Variants in FGF14 observed in about 807,000 individuals in gnomAD.
FGF14 encodes fibroblast growth factor 14.
In FGF14, 5 loss-of-function variants were observed where a neutral mutation model predicts 25.5. The ratio of observed to expected loss-of-function variants is 0.20; its 90% confidence interval spans 0.10 to 0.41. FGF14 has a LOEUF of 0.41. FGF14 is among the 10% of genes least tolerant of loss of function. The pLI, the probability that FGF14 is intolerant of heterozygous loss-of-function variation, is 1.00. For synonymous variants in FGF14, 138 were observed against 118.3 expected, an observed-to-expected ratio of 1.17 and a Z score of -1.08; for missense variants, 222 against 320.1, an observed-to-expected ratio of 0.69 and a Z score of 2.34.
At chr13:102,029,413 C>T (rs985419266) in intron 1 of FGF14, among the ~76,000 whole-genome samples, 1 of 152,064 alleles carries the variant, frequency 6.6e-6, no homozygotes, top group Non-Finnish European at 1.5e-5. Flanking sequence ...AATATTTTAT[C>T]TTACAGCAGA....
At chr13:101,878,560 C>T (rs555093627) in intron 1 of FGF14, among the ~76,000 whole-genome samples, 91 of 151,888 alleles carry the variant, frequency 6.0e-4, no homozygotes, top group Non-Finnish European at 1.2e-3. Flanking sequence ...AGAGGTGATA[C>T]GAATAAAATA....
At chr13:101,906,179 C>G (rs750365008) in intron 1 of FGF14, among the ~76,000 whole-genome samples, 11 of 152,176 alleles carry the variant, frequency 7.2e-5, no homozygotes, top group African/African-American at 2.4e-4. Context: ...ATTCAGTCTT[C>G]TCTACCCCAA....
rs1233579248 is a variant in FGF14 at position 101,721,738 on chromosome 13, T to A, written c.*1093A>T. On this transcript the variant is annotated 3_prime_UTR_variant, in exon 5 of 5. Transcript: ENST00000376143. The stretch of plus-strand genomic sequence containing the variant: ...CGTCTTGCCCATGCTCTGCTGAGTA[T>A]GAGGGGAACGCAGCCAGAAACGGGG... 2.0e-5 allele frequency: 3 copies of A among 152,060 alleles called. No individual in the cohort carries two copies. The highest frequency in any genetic ancestry group is 7.2e-5 in the African/African-American group (3 of 41,410). 9.4% of individuals were successfully genotyped at this position (152,060 alleles called of 1,614,324 possible).
intron 1 of FGF14, among the ~76,000 whole-genome samples, chr13:102,075,218 A>G (rs1368223195): frequency 4.6e-5 from 7 of 152,264 alleles, no homozygotes; most frequent in African/African-American, 1.7e-4. Flanking sequence ...ATAATTTGGT[A>G]TAATTGCAAA....
chr13:102,346,293 A>G (rs756524621), intron 1 of FGF14, among the ~76,000 whole-genome samples: 1 of 152,198 alleles, frequency 6.6e-6, no homozygotes, highest in African/African-American at 2.4e-5. Flanking sequence ...CCATATGGCT[A>G]TTATAAATAT....
At chr13:102,033,521 G>A (rs2041318904) in intron 1 of FGF14, among the ~76,000 whole-genome samples, 1 of 152,024 alleles carries the variant, frequency 6.6e-6, no homozygotes, top group East Asian at 1.9e-4. Context: ...ACACACTCAT[G>A]CACGCATACT....
At chr13:102,167,258 A>C (rs1431027668) in intron 1 of FGF14, among the ~76,000 whole-genome samples, 1 of 143,980 alleles carries the variant, frequency 6.9e-6, no homozygotes, top group Non-Finnish European at 1.5e-5. Context: ...GAATCGTGTG[A>C]ACCCTGAAGG....
At chr13:101,908,243 T>C (rs1392193581) in intron 1 of FGF14, among the ~76,000 whole-genome samples, 1 of 152,166 alleles carries the variant, frequency 6.6e-6, no homozygotes, top group African/African-American at 2.4e-5. Flanking sequence ...TTCAGCCTTG[T>C]AAGTGCAGGC....
At chr13:102,330,583 C>T (rs1366204305) in intron 1 of FGF14, among the ~76,000 whole-genome samples, 1 of 152,176 alleles carries the variant, frequency 6.6e-6, no homozygotes, top group Non-Finnish European at 1.5e-5. Flanking sequence ...CCAGTTCTTC[C>T]TCCAGTTTCT....
Position 102,123,127 on chromosome 13 carries a change from A to C in FGF14, c.209-247831T>G, listed in dbSNP as rs546194792. On this transcript the variant is annotated intron_variant, in intron 1 of 4. Coordinates refer to the FGF14 transcript ENST00000376131. ...GATGGTAAGAATGAGCTGATTAAGA[A>C]GACACCTCCATGTGAAGTAGCTATC... 2.0e-5 allele frequency among the ~76,000 whole-genome samples: 3 copies of C among 152,274 alleles called. No homozygotes were observed. The South Asian group carries it at 6.2e-4, about 32-fold the overall frequency.
intron 1 of FGF14, among the ~76,000 whole-genome samples, chr13:102,064,558 T>C (rs963045337): frequency 2.0e-5 from 3 of 151,842 alleles, no homozygotes; most frequent in South Asian, 2.1e-4. Context: ...ATTATACTTA[T>C]GGGAAAAGCA....
intron 3 of FGF14, among the ~76,000 whole-genome samples, chr13:101,772,115 T>C (rs920557633): frequency 6.6e-6 from 1 of 152,002 alleles, no homozygotes; most frequent in African/African-American, 2.4e-5. Context: ...CAGAGAAAAT[T>C]TGGCTATAGT....
At chr13:101,877,082 T>C (rs1445462434) in intron 1 of FGF14, among the ~76,000 whole-genome samples, 1 of 152,116 alleles carries the variant, frequency 6.6e-6, no homozygotes, top group Non-Finnish European at 1.5e-5. Flanking sequence ...CAGTCTCCTA[T>C]TTGAGCTACT....
At chr13:102,016,506 A>T (rs919791474) in intron 1 of FGF14, among the ~76,000 whole-genome samples, 11 of 152,184 alleles carry the variant, frequency 7.2e-5, no homozygotes, top group African/African-American at 2.7e-4. Flanking sequence ...AGACCTAAAC[A>T]TAATGTGAGC....
At chr13:101,967,914 G>A (rs1473950524) in intron 1 of FGF14, among the ~76,000 whole-genome samples, 3 of 152,194 alleles carry the variant, frequency 2.0e-5, no homozygotes, top group African/African-American at 7.2e-5. Flanking sequence ...GTGATGGCTT[G>A]GACATGCTGG....
At chr13:102,056,827 T>C (rs1018623054) in intron 1 of FGF14, among the ~76,000 whole-genome samples, 1 of 149,552 alleles carries the variant, frequency 6.7e-6, no homozygotes, top group Admixed American at 6.7e-5. Context: ...ATATAAAATA[T>C]AATGAAATTC....
At chr13:102,385,664 A>C (rs752211441) in intron 1 of FGF14, among the ~76,000 whole-genome samples, 2 of 152,190 alleles carry the variant, frequency 1.3e-5, no homozygotes, top group Non-Finnish European at 2.9e-5. Flanking sequence ...CTTCTAAGCT[A>C]TTTATTTCTG....
At chr13:102,078,577 G>A (rs2043472029) in intron 1 of FGF14, among the ~76,000 whole-genome samples, 1 of 152,200 alleles carries the variant, frequency 6.6e-6, no homozygotes, top group South Asian at 2.1e-4. Context: ...CTAGCCCAAT[G>A]AAGCAGGTAT....
intron 3 of FGF14, among the ~76,000 whole-genome samples, chr13:101,769,305 G>A (rs1463518458): frequency 6.6e-6 from 1 of 151,722 alleles, no homozygotes; most frequent in African/African-American, 2.4e-5. Flanking sequence ...ATCAAATACT[G>A]ACAAGAAAGT....
Sources: gnomAD v4.1 joint callset for allele counts (sites outside exome capture counted in the v4.1 genomes callset) on GRCh38, gnomAD v4.1.1 for gene constraint, MANE v1.5 for transcripts, NCBI Gene and HGNC (gene_info 2026-07-23, HGNC 2026-07-21) for gene names.